Variants in PHYHIPL observed in about 807,000 individuals in gnomAD.
PHYHIPL encodes the protein phytanoyl-CoA hydroxylase-interacting protein-like.
Under a neutral mutation model 33.4 loss-of-function variants are expected in PHYHIPL, and 9 were observed. That is an observed-to-expected ratio of 0.27 (90% CI 0.16 to 0.47). PHYHIPL has a LOEUF of 0.47. Among genes scored for constraint, PHYHIPL ranks in the 20% least tolerant of loss-of-function variants. PHYHIPL has a pLI of 0.99. For missense variants in PHYHIPL, 365 were observed against 460.7 expected (o/e 0.79, Z 1.90); for synonymous variants, 153 against 154.1 (o/e 0.99, Z 0.05).
chr10:59,214,270 A>C (rs961686883), intron 1 of PHYHIPL, among the ~76,000 whole-genome samples: 1 of 151,580 alleles, frequency 6.6e-6, no homozygotes, highest in African/African-American at 2.4e-5. Flanking sequence ...AAGCCATAAC[A>C]AGAAAGATTG....
At position 59,238,996 on chromosome 10, in the gene PHYHIPL, G is replaced by A. The variant is rs184193509; in HGVS notation, c.596+291G>A. 5.3e-5 allele frequency among the ~76,000 whole-genome samples: 8 copies of A among 151,882 alleles called. No homozygotes were observed. The East Asian group carries it at 1.4e-3, about 26-fold the overall frequency. ...CGATGAGCATTTCAGGTACACACTCGTCCTGCTGTCTGCATCATACTGACT... is the reference window on the plus strand; with the variant it reads ...CGATGAGCATTTCAGGTACACACTCATCCTGCTGTCTGCATCATACTGACT... On this transcript the variant is annotated intron_variant, in intron 4 of 4. Coordinates refer to ENST00000373880, the MANE Select transcript of PHYHIPL (RefSeq NM_032439.4).
chr10:59,185,119 T>C (rs1159779189), intron 1 of PHYHIPL, among the ~76,000 whole-genome samples: 1 of 149,326 alleles, frequency 6.7e-6, no homozygotes. Flanking sequence ...GCCTCCCAAG[T>C]AGCTGGGACT....
chr10:59,202,642 G>T (rs890782354), intron 1 of PHYHIPL, among the ~76,000 whole-genome samples: 3 of 152,088 alleles, frequency 2.0e-5, no homozygotes, highest in African/African-American at 7.2e-5. Context: ...CCAGAATTAA[G>T]GAAACAGAAT....
At chr10:59,200,175 A>G (rs574548981) in intron 1 of PHYHIPL, among the ~76,000 whole-genome samples, 39 of 152,294 alleles carry the variant, frequency 2.6e-4, no homozygotes, top group African/African-American at 8.7e-4. Context: ...TCCATTCAGT[A>G]TGATATTGGC....
chr10:59,242,879 C>T (rs1049950948), intron 4 of PHYHIPL, among the ~76,000 whole-genome samples: 6 of 151,734 alleles, frequency 4.0e-5, no homozygotes, highest in South Asian at 4.2e-4. Context: ...TAAAACTCAC[C>T]GAAAAATATA....
At chr10:59,224,540 C>T (rs1247198188) in intron 1 of PHYHIPL, among the ~76,000 whole-genome samples, 1 of 150,570 alleles carries the variant, frequency 6.6e-6, no homozygotes, top group Non-Finnish European at 1.5e-5. Flanking sequence ...AGCAATTGAA[C>T]TATATATCAA....
At chr10:59,194,706 C>A (rs1218868482) in intron 1 of PHYHIPL, among the ~76,000 whole-genome samples, 1 of 152,122 alleles carries the variant, frequency 6.6e-6, no homozygotes, top group Non-Finnish European at 1.5e-5. Context: ...AAATGTGATA[C>A]CAACTAATTT....
At chr10:59,232,544 TA>T (rs1469176012) in intron 1 of PHYHIPL, among the ~76,000 whole-genome samples, 1 of 151,956 alleles carries the variant, frequency 6.6e-6, no homozygotes, top group African/African-American at 2.4e-5. Flanking sequence ...TTGAAGAAGA[TA>T]ACGATAGTGG....
chr10:59,176,572 C>A (rs1838255447), upstream of PHYHIPL: 4 of 166,252 alleles, frequency 2.4e-5, no homozygotes, highest in Non-Finnish European at 3.2e-5. Context: ...TCACGTTCCC[C>A]GAGAGCAGCG....
chr10:59,239,735 C>T (rs1398350489), intron 4 of PHYHIPL, among the ~76,000 whole-genome samples: 10 of 151,822 alleles, frequency 6.6e-5, no homozygotes, highest in Admixed American at 4.6e-4. Flanking sequence ...AATAAATAGC[C>T]AGATGTCTGT....
chr10:59,177,475 G>A (rs1838285646), intron 1 of PHYHIPL: 1 of 1,546,962 alleles, frequency 6.5e-7, no homozygotes, highest in African/African-American at 1.4e-5. Context: ...TTGGGATTAG[G>A]ATGACAGTTT....
chr10:59,208,192 G>A (rs891755284), intron 1 of PHYHIPL, among the ~76,000 whole-genome samples: 1 of 152,156 alleles, frequency 6.6e-6, no homozygotes, highest in Non-Finnish European at 1.5e-5. Flanking sequence ...GCATCTGGCG[G>A]ATGCCCTTCT....
chr10:59,193,798 T>A (rs1838840321), intron 1 of PHYHIPL, among the ~76,000 whole-genome samples: 1 of 152,154 alleles, frequency 6.6e-6, no homozygotes, highest in South Asian at 2.1e-4. Flanking sequence ...AATGTTAATT[T>A]ATGTGGTGCT....
chr10:59,219,147 T>C (rs1258216593), intron 1 of PHYHIPL: 1 of 510,418 alleles, frequency 2.0e-6, no homozygotes, highest in Admixed American at 6.4e-5. Context: ...TCTAGGTATT[T>C]TGAGAGACTT....
chr10:59,238,082 TAAAC>T (rs535867455), intron 3 of PHYHIPL, among the ~76,000 whole-genome samples: 101 of 152,026 alleles, frequency 6.6e-4, no homozygotes, highest in African/African-American at 2.3e-3. Flanking sequence ...CAGCAATTCT[TAAAC>T]AACTTTCAAA....
At chr10:59,180,361 T>TAC (rs1848151119) in intron 1 of PHYHIPL, among the ~76,000 whole-genome samples, 1 of 117,414 alleles carries the variant, frequency 8.5e-6, no homozygotes, top group Non-Finnish European at 1.8e-5. Flanking sequence ...TATATATATA[T>TAC]ACTTTTTCTT....
intron 1 of PHYHIPL, among the ~76,000 whole-genome samples, chr10:59,216,073 AT>A (rs1426959219): frequency 6.6e-6 from 1 of 152,126 alleles, no homozygotes; most frequent in African/African-American, 2.4e-5. Flanking sequence ...CACATTTCAA[AT>A]TATGAAATAT....
Position 59,238,651 on chromosome 10 carries a change from T to C in PHYHIPL, c.542T>C (p.Leu181Pro). Residue 181 changes from leucine (L) to proline (P), a missense_variant, in exon 4 of 5, where the codon CTT becomes CCT. Leu to Pro is a moderately conservative substitution (Grantham distance 98). Transcript: ENST00000373880. ...GCTGAAGTGATTGCAGGACGCATGC[T>C]TAAGTTTTCTGTTTTTTATCGTAAT... is the stretch of plus-strand genomic sequence containing the variant. ...EKAEVIAGRMLKFSVFYRNQH... is the reference protein window; with the variant it reads ...EKAEVIAGRMPKFSVFYRNQH... The C allele has an allele frequency of 6.2e-7, 1 of 1,610,344 alleles. No individual in the cohort carries two copies.
chr10:59,224,461 A>G (rs186241111), intron 1 of PHYHIPL, among the ~76,000 whole-genome samples: 9 of 134,650 alleles, frequency 6.7e-5, no homozygotes, highest in Non-Finnish European at 1.2e-4. Flanking sequence ...TCAAGGAAAC[A>G]AAACAAAACA....
Sources: allele counts gnomAD v4.1 joint callset (sites outside exome capture counted in the v4.1 genomes callset), GRCh38; gene constraint gnomAD v4.1.1; transcripts MANE v1.5; gene names NCBI Gene and HGNC (gene_info 2026-07-23, HGNC 2026-07-21).